TMEM175: variants seen among roughly 807,000 people sequenced by gnomAD.
TMEM175 encodes transmembrane protein 175, also known as endosomal/lysosomal proton channel TMEM175.
TMEM175 carries 36 observed loss-of-function variants against 36.5 expected under a neutral mutation model. That is an observed-to-expected ratio of 0.99 (90% CI 0.76 to 1.30). TMEM175 has a LOEUF of 1.30. TMEM175 is among the 50% of genes most tolerant of loss of function. The probability of loss-of-function intolerance (pLI) is 0.00; values close to 1 mark genes in which losing one functional copy is unlikely to be tolerated. For synonymous variants in TMEM175, 339 were observed against 313.4 expected, an observed-to-expected ratio of 1.08 and a Z score of -0.86; for missense variants, 705 against 692.8, an observed-to-expected ratio of 1.02 and a Z score of -0.20.
intron 1 of TMEM175, among the ~76,000 whole-genome samples, chr4:936,813 T>C (rs528288667): frequency 1.1e-4 from 16 of 152,184 alleles, no homozygotes; most frequent in African/African-American, 3.9e-4. Context: ...AAAAATTAGC[T>C]GCGCATGGTG....
In TMEM175 at chr4:948,131, C is replaced by G; in HGVS notation, c.169C>G (p.His57Asp). Reference sequence around the variant, plus strand: ...GCCCCCTCAGATCCTGCCTGTGACCCACACGGAGATCTCCCCAGAACAGGT... The same window carrying G: ...GCCCCCTCAGATCCTGCCTGTGACCGACACGGAGATCTCCCCAGAACAGGT... ...IATVMILPVTHTEISPEQQFD... is the reference protein window; with the variant it reads ...IATVMILPVTDTEISPEQQFD... Residue 57 changes from histidine (H) to aspartate (D), a missense_variant, in exon 3 of 11, where the codon CAC (histidine) becomes GAC (aspartate). Transcript: ENST00000264771. 1.2e-6 allele frequency: 2 copies of G among 1,614,156 alleles called. No homozygotes were observed. Among genetic ancestry groups the G allele is most frequent in the South Asian group, 2.2e-5 (2 of 91,086 alleles).
chr4:953,478 G>C, intron 8 of TMEM175, 124 bp downstream of exon 8: 1 of 1,238,344 alleles, frequency 8.1e-7, no homozygotes, highest in South Asian at 1.6e-5. Context: ...TTCCACCCAG[G>C]GTCTTGTGTG....
intron 3 of TMEM175, chr4:948,491 T>C: frequency 7.0e-7 from 1 of 1,425,202 alleles, no homozygotes; most frequent in East Asian, 3.3e-5. Context: ...AGGACAGAAG[T>C]TTCCTCTGCG....
In TMEM175 at chr4:951,722, G is replaced by A. The variant is rs755453832; in HGVS notation, c.378+5G>A. The A allele has an allele frequency of 1.9e-6, 3 of 1,614,068 alleles. No homozygotes were observed. Among genetic ancestry groups the A allele is most frequent in the Non-Finnish European group, 1.7e-6 (2 of 1,179,960 alleles). On this transcript the variant is annotated splice_donor_5th_base_variant and intron_variant, in intron 6 of 10. Coordinates refer to ENST00000264771, the MANE Select transcript of TMEM175 (RefSeq NM_032326.4). ...ATCACCTTCCTGCCTTACACGGTGA[G>A]CAACACCAGGCCCCTGACACCCTGA...
chr4:941,873 T>A (rs1397120011), intron 1 of TMEM175, among the ~76,000 whole-genome samples: 1 of 152,082 alleles, frequency 6.6e-6, no homozygotes, highest in East Asian at 1.9e-4. Context: ...CTGGGCCACA[T>A]AGACCCCATG....
chr4:941,727 C>T (rs1361531533), intron 1 of TMEM175, among the ~76,000 whole-genome samples: 2 of 151,920 alleles, frequency 1.3e-5, no homozygotes, highest in African/African-American at 2.4e-5. Context: ...TGAGCCACCG[C>T]GCCCGGCCTC....
chr4:955,869 C>T lies in TMEM175; in HGVS notation c.821C>T (p.Thr274Met), dbSNP rs1307208915. The T allele has an allele frequency of 3.1e-6, 5 of 1,613,890 alleles. No individual in the cohort carries two copies. The highest frequency in any genetic ancestry group is 1.7e-5 in the Admixed American group (1 of 60,016). Residue 274 changes from threonine to methionine, a missense_variant, in exon 10 of 11, where the codon ACG becomes ATG. By Grantham distance (81) the Thr-to-Met change is moderately conservative. Transcript: ENST00000264771. ...GACGGAGTCTACGCCATCGTGGCCA[C>T]GCTTCTCATCCTGGACATCTGGTGA... ...FSDGVYAIVA[T>M]LLILDICEDN...
chr4:952,529 G>A lies in TMEM175; in HGVS notation c.462+79G>A. 4.3e-6 allele frequency: 6 copies of A among 1,398,684 alleles called. No homozygotes were observed. In the South Asian group the frequency reaches 7.1e-5, roughly 17 times the overall value. The allele number at this position is 1,398,684 out of a possible 1,614,324, so 86.6% of individuals were successfully genotyped here. A position where few individuals can be genotyped will look rare whatever the true frequency, so the allele number is the denominator to read the frequency against. ...GTGTGTGTGTGTGTGATCACCATCG[G>A]GGTCGTGCAGGTAGGGGGCCCAGGG... On this transcript the variant is annotated intron_variant, in intron 7 of 10. Transcript: ENST00000264771.
Position 958,313 on chromosome 4 carries a change from T to G in TMEM175, c.1332T>G (p.Ser444Arg), listed in dbSNP as rs748894654. ...FASTCLLSRF[S>R]VGIFHLMQIA... is the part of the protein sequence containing the mutation. The stretch of plus-strand genomic sequence containing the variant: ...CCACCTGCCTGCTGAGCAGGTTCAG[T>G]GTGGGCATCTTCCACCTCATGCAGA... Residue 444 changes from serine (S) to arginine (R), a missense_variant, in exon 11 of 11, where the codon AGT (serine) becomes AGG (arginine). Physicochemically the swap from Ser to Arg is moderately radical, Grantham distance 110. Coordinates refer to ENST00000264771, the MANE Select transcript of TMEM175 (RefSeq NM_032326.4). 8 of 1,605,668 alleles carry G rather than the reference T, an allele frequency of 5.0e-6. No homozygotes were observed. The South Asian group carries it at 8.8e-5, about 18-fold the overall frequency.
chr4:937,014 C>T (rs2152996336), intron 1 of TMEM175, among the ~76,000 whole-genome samples: 1 of 151,342 alleles, frequency 6.6e-6, no homozygotes, highest in East Asian at 1.9e-4. Context: ...GACATGCATA[C>T]AATTAAGGCA....
intron 1 of TMEM175, among the ~76,000 whole-genome samples, chr4:942,290 C>T (rs1454603911): frequency 6.6e-6 from 1 of 152,160 alleles, no homozygotes; most frequent in Non-Finnish European, 1.5e-5. Context: ...TGATCTCGAT[C>T]TCCTGACCTT....
intron 4 of TMEM175, among the ~76,000 whole-genome samples, chr4:950,745 CAATAGGT>C (rs1728769926): frequency 2.7e-5 from 4 of 146,562 alleles, no homozygotes; most frequent in African/African-American, 1.0e-4. Context: ...GTGGATGGTG[CAATAGGT>C]GGAGGTGTGG....
At chr4:950,273 A>G (rs1728698379) in intron 3 of TMEM175, 148 bp from the exon 4 acceptor site, 1 of 642,980 alleles carries the variant, frequency 1.6e-6, no homozygotes, top group Admixed American at 2.6e-5. Flanking sequence ...TGGGGAGGCC[A>G]GGACCCTCCC....
chr4:954,429 A>T (rs1285282242), intron 8 of TMEM175, among the ~76,000 whole-genome samples: 2 of 152,212 alleles, frequency 1.3e-5, no homozygotes, highest in African/African-American at 2.4e-5. Context: ...AATGTGAGCC[A>T]CTAGGGAGAG....
intron 2 of TMEM175, 46 bp from the exon 3 acceptor site, chr4:948,070 A>G (rs1728412162): frequency 6.2e-7 from 1 of 1,613,802 alleles, no homozygotes; most frequent in South Asian, 1.1e-5. Context: ...CAATCCAACA[A>G]GCGTCTCTTG....
chr4:955,455 C>T lies in TMEM175; in HGVS notation c.678C>T (p.Val226=). ...TCCTCCTCCCCTATGTCAGCAAGGT[C>T]ACCGGCTGGTGCAGAGACAGGCTCC... ...TVILLPYVSK[V]TGWCRDRLLG... Residue 226 remains valine, a synonymous_variant, in exon 9 of 11, where the codon GTC becomes GTT. Coordinates refer to ENST00000264771, the MANE Select transcript of TMEM175 (RefSeq NM_032326.4). 3.1e-6 allele frequency: 5 copies of T among 1,614,128 alleles called. No individual in the cohort carries two copies. The highest frequency in any genetic ancestry group is 3.4e-6 in the Non-Finnish European group (4 of 1,180,006).
At chr4:934,825 CA>C (rs1219071755) in intron 1 of TMEM175, among the ~76,000 whole-genome samples, 3 of 152,152 alleles carry the variant, frequency 2.0e-5, no homozygotes, top group African/African-American at 7.2e-5. Flanking sequence ...GGAATGACAT[CA>C]AGAGCATAGG....
intron 8 of TMEM175, among the ~76,000 whole-genome samples, chr4:954,871 A>T (rs776407527): frequency 1.3e-5 from 2 of 152,162 alleles, no homozygotes; most frequent in Non-Finnish European, 2.9e-5. Context: ...TTGATCTGCG[A>T]GAGGTCGACC....
chr4:951,564 G>A lies in TMEM175; in HGVS notation c.343-118G>A, dbSNP rs551764846. ...GGGTCTGGGGGCTGGACTCACACTC[G>A]CTGGCCCACCCTTCTTGGGGAGGGC... On this transcript the variant is annotated intron_variant, in intron 5 of 10. Transcript: ENST00000264771. 761 of 1,348,770 alleles carry A rather than the reference G, an allele frequency of 5.6e-4. 4 individuals carry two copies. Among genetic ancestry groups the A allele is most frequent in the Admixed American group, 3.4e-3 (190 of 56,230 alleles). 83.6% of individuals were successfully genotyped at this position (1,348,770 alleles called of 1,614,324 possible).
Sources: gnomAD v4.1 joint callset for allele counts (sites outside exome capture counted in the v4.1 genomes callset) on GRCh38, gnomAD v4.1.1 for gene constraint, MANE v1.5 for transcripts, NCBI Gene and HGNC (gene_info 2026-07-23, HGNC 2026-07-21) for gene names.